CBLB: variants seen among roughly 807,000 people sequenced by gnomAD.
CBLB encodes the protein Cbl proto-oncogene B, also known as E3 ubiquitin-protein ligase CBL-B.
Under a neutral mutation model 104.9 loss-of-function variants are expected in CBLB, and 31 were observed. That is an observed-to-expected ratio of 0.30 (90% CI 0.22 to 0.40). The LOEUF (loss-of-function observed/expected upper bound fraction) is 0.40, where lower values mean the gene tolerates loss of function less well. Ranked by LOEUF, CBLB falls within the 10% of genes least tolerant of loss-of-function variation. The pLI, the probability that CBLB is intolerant of heterozygous loss-of-function variation, is 1.00. For synonymous variants in CBLB, 440 were observed against 422.6 expected (o/e 1.04, Z -0.51); for missense variants, 1,062 against 1,214.6 (o/e 0.87, Z 1.87).
At chr3:105,802,678 GCTCCAT>G (rs2083031960) in intron 3 of CBLB, among the ~76,000 whole-genome samples, 1 of 151,116 alleles carries the variant, frequency 6.6e-6, no homozygotes, top group Non-Finnish European at 1.5e-5. Context: ...TGTACAGCTG[GCTCCAT>G]CTAGACACAC....
At chr3:105,833,812 C>T (rs1194026623) in intron 3 of CBLB, among the ~76,000 whole-genome samples, 1 of 151,818 alleles carries the variant, frequency 6.6e-6, no homozygotes, top group African/African-American at 2.4e-5. Context: ...AAATTCCAAA[C>T]TTTATATAAG....
At chr3:105,808,887 ATAAAT>A (rs1158903909) in intron 3 of CBLB, among the ~76,000 whole-genome samples, 10 of 152,336 alleles carry the variant, frequency 6.6e-5, no homozygotes, top group South Asian at 2.1e-4. Flanking sequence ...AGCACTGAAA[ATAAAT>A]TAAGAAAAAT....
chr3:105,775,418 A>C (rs2079341224), intron 4 of CBLB, among the ~76,000 whole-genome samples: 1 of 152,246 alleles, frequency 6.6e-6, no homozygotes, highest in South Asian at 2.1e-4. Context: ...GCAGTTCAAC[A>C]TATCAAAGTA....
chr3:105,684,983 T>C (rs1353997140), intron 14 of CBLB, among the ~76,000 whole-genome samples: 1 of 152,192 alleles, frequency 6.6e-6, no homozygotes, highest in East Asian at 1.9e-4. Context: ...AGCAAGTACA[T>C]CAAGAAGGAA....
intron 10 of CBLB, among the ~76,000 whole-genome samples, chr3:105,714,247 G>A (rs930674562): frequency 3.2e-4 from 49 of 152,276 alleles, no homozygotes; most frequent in African/African-American, 1.2e-3. Context: ...TTTGGCACCA[G>A]GGACTGGTTT....
chr3:105,833,376 A>G (rs933282246), intron 3 of CBLB, among the ~76,000 whole-genome samples: 1 of 152,212 alleles, frequency 6.6e-6, no homozygotes, highest in Non-Finnish European at 1.5e-5. Flanking sequence ...GGCAGAACAA[A>G]TATCTCTCTC....
chr3:105,707,648 T>C (rs926055418), intron 10 of CBLB, among the ~76,000 whole-genome samples: 2 of 152,190 alleles, frequency 1.3e-5, no homozygotes, highest in Non-Finnish European at 2.9e-5. Flanking sequence ...AATGTTCATA[T>C]AGAAGGTCAC....
chr3:105,814,752 A>C (rs1454034231), intron 3 of CBLB, among the ~76,000 whole-genome samples: 1 of 152,118 alleles, frequency 6.6e-6, no homozygotes, highest in East Asian at 1.9e-4. Flanking sequence ...TTTATACTCA[A>C]CAGTGCTGAC....
chr3:105,745,705 T>C (rs777680564), intron 6 of CBLB, among the ~76,000 whole-genome samples: 7 of 152,122 alleles, frequency 4.6e-5, no homozygotes, highest in Non-Finnish European at 8.8e-5. Flanking sequence ...GGAGACCATA[T>C]CCCCTTTCAC....
Position 105,733,994 on chromosome 3 carries a change from T to C in CBLB, c.1203+15A>G, listed in dbSNP as rs1479732351. The C allele has an allele frequency of 1.9e-6, 3 of 1,612,488 alleles. No homozygotes were observed. Among genetic ancestry groups the C allele is most frequent in the Non-Finnish European group, 1.7e-6 (2 of 1,178,496 alleles). On this transcript the variant is annotated intron_variant, in intron 9 of 18. Coordinates refer to ENST00000394030, the MANE Select transcript of CBLB (RefSeq NM_170662.5). ...GGACATATAAGAAAGACATCCATGT[T>C]GCTAATGATTATACCTGCCATGCCG...
At chr3:105,775,442 A>G (rs1270536116) in intron 4 of CBLB, among the ~76,000 whole-genome samples, 1 of 152,236 alleles carries the variant, frequency 6.6e-6, no homozygotes, top group Non-Finnish European at 1.5e-5. Flanking sequence ...AAAAAAGTGT[A>G]TACTAACAAT....
intron 3 of CBLB, among the ~76,000 whole-genome samples, chr3:105,807,226 G>A (rs1320483586): frequency 6.6e-6 from 1 of 152,154 alleles, no homozygotes; most frequent in Non-Finnish European, 1.5e-5. Flanking sequence ...AGAAAGATTA[G>A]TCACTTATTT....
intron 10 of CBLB, among the ~76,000 whole-genome samples, chr3:105,715,642 T>C (rs569419764): frequency 3.3e-5 from 5 of 152,264 alleles, no homozygotes; most frequent in South Asian, 4.2e-4. Context: ...AAGAAAAAGA[T>C]GAGTATTCAA....
intron 4 of CBLB, among the ~76,000 whole-genome samples, chr3:105,771,934 T>A (rs1017523730): frequency 6.6e-6 from 1 of 151,656 alleles, no homozygotes; most frequent in Non-Finnish European, 1.5e-5. Context: ...ATGGGAAGAA[T>A]AAAATGACCA....
intron 18 of CBLB, among the ~76,000 whole-genome samples, chr3:105,663,906 G>GAAAAA (rs60125170): frequency 4.9e-5 from 7 of 142,994 alleles, no homozygotes; most frequent in African/African-American, 1.3e-4. Flanking sequence ...AGCTTATTAG[G>GAAAAA]AAAAAAAAAA....
intron 10 of CBLB, among the ~76,000 whole-genome samples, chr3:105,719,434 A>C (rs1253086573): frequency 6.6e-6 from 1 of 152,196 alleles, no homozygotes; most frequent in Non-Finnish European, 1.5e-5. Flanking sequence ...GCCCTGCACA[A>C]TGACATTTCG....
intron 3 of CBLB, among the ~76,000 whole-genome samples, chr3:105,783,954 A>G (rs2080637125): frequency 6.6e-6 from 1 of 152,192 alleles, no homozygotes; most frequent in African/African-American, 2.4e-5. Flanking sequence ...TTCCCAAATG[A>G]TTTTTTTAAT....
At chr3:105,846,188 G>A (rs1335798293) in intron 3 of CBLB, among the ~76,000 whole-genome samples, 1 of 151,828 alleles carries the variant, frequency 6.6e-6, no homozygotes, top group African/African-American at 2.4e-5. Flanking sequence ...GATTTATTTA[G>A]AAATATTTTC....
chr3:105,746,047 T>TA lies in CBLB; in HGVS notation c.724-10dup. 8 of 1,571,824 alleles carry TA rather than the reference T, an allele frequency of 5.1e-6. No homozygotes were observed. The highest frequency in any genetic ancestry group is 2.2e-5 in the East Asian group (1 of 44,598). Reference sequence around the variant, plus strand: ...AAAATAGAGCCCCAAGGCTAAAAAATAAAAAAATTAAAAGAGATTAGTATC... The same window carrying TA: ...AAAATAGAGCCCCAAGGCTAAAAAATAAAAAAAATTAAAAGAGATTAGTATC... On this transcript the variant is annotated splice_polypyrimidine_tract_variant and intron_variant, in intron 5 of 18. Coordinates refer to ENST00000394030, the MANE Select transcript of CBLB (RefSeq NM_170662.5).
Sources: gnomAD v4.1 joint callset for allele counts (sites outside exome capture counted in the v4.1 genomes callset) on GRCh38, gnomAD v4.1.1 for gene constraint, MANE v1.5 for transcripts, NCBI Gene and HGNC (gene_info 2026-07-23, HGNC 2026-07-21) for gene names.